Variants in PRORP observed in about 807,000 individuals in gnomAD.
The protein encoded by PRORP is protein only RNase P catalytic subunit.
PRORP carries 51 observed loss-of-function variants against 59.4 expected under a neutral mutation model. The ratio of observed to expected loss-of-function variants is 0.86; its 90% CI spans 0.69 to 1.08. The LOEUF is 1.08. PRORP is among the 50% of genes least tolerant of loss of function. The pLI, the probability that PRORP is intolerant of heterozygous loss-of-function variation, is 0.00. For missense variants in PRORP, 646 were observed against 690.3 expected, an observed-to-expected ratio of 0.94 and a Z score of 0.72; for synonymous variants, 231 against 245.6, an observed-to-expected ratio of 0.94 and a Z score of 0.55.
chr14:35,220,328 A>G (rs1296284992), intron 5 of PRORP, among the ~76,000 whole-genome samples: 4 of 152,178 alleles, frequency 2.6e-5, no homozygotes, highest in Non-Finnish European at 5.9e-5. Flanking sequence ...AAAATTATTC[A>G]TTCTATTGAG....
chr14:35,223,760 A>G (rs887552746), intron 5 of PRORP, among the ~76,000 whole-genome samples: 10 of 152,136 alleles, frequency 6.6e-5, no homozygotes, highest in African/African-American at 2.4e-4. Flanking sequence ...CACCTGGCCT[A>G]GACTTTAACT....
chr14:35,129,514 G>T (rs1402133573), intron 4 of PRORP, among the ~76,000 whole-genome samples: 1 of 147,416 alleles, frequency 6.8e-6, no homozygotes, highest in Non-Finnish European at 1.5e-5. Context: ...TTGCTCTGTC[G>T]CCCAGGCTAG....
Position 35,154,299 on chromosome 14 carries a change from T to C in PRORP, c.1168-26371T>C, listed in dbSNP as rs543698714. ...AGTTTGGGAGGGAAGGAAGGCAGCATCAAATCGTTGTTGAGGTTTTGATGA... is the reference window on the plus strand; with the variant it reads ...AGTTTGGGAGGGAAGGAAGGCAGCACCAAATCGTTGTTGAGGTTTTGATGA... On this transcript the variant is annotated intron_variant, in intron 4 of 7. Coordinates refer to ENST00000534898, the MANE Select transcript of PRORP (RefSeq NM_014672.4). 6.6e-5 allele frequency among the ~76,000 whole-genome samples: 10 copies of C among 152,340 alleles called. 1 individual carries two copies. Among genetic ancestry groups the C allele is most frequent in the Admixed American group, 3.3e-4 (5 of 15,304 alleles).
chr14:35,207,161 C>G (rs1166925758), intron 5 of PRORP, among the ~76,000 whole-genome samples: 1 of 152,082 alleles, frequency 6.6e-6, no homozygotes, highest in Admixed American at 6.6e-5. Context: ...AGGCCATTTA[C>G]CTGGCGATGC....
chr14:35,266,774 G>C lies in PRORP; in HGVS notation c.1323G>C (p.Leu441=). 6.2e-7 allele frequency: 1 copy of C among 1,614,136 alleles called. No homozygotes were observed. The highest frequency in any genetic ancestry group is 1.1e-5 in the South Asian group (1 of 91,080). ...SQLAKRNLRL[L]VLGRKHMLRR... ...TAGCCAAACGGAATCTGCGACTGCT[G>C]GTCCTAGGCCGGAAGCACATGCTAA... Residue 441 remains leucine (L), a synonymous_variant, in exon 6 of 8, where the codon CTG becomes CTC. Transcript: ENST00000534898.
At chr14:35,235,521 C>A (rs1487857623) in intron 5 of PRORP, 9 of 589,946 alleles carry the variant, frequency 1.5e-5, no homozygotes, top group South Asian at 3.1e-5. Flanking sequence ...ACCAGCTGAG[C>A]CTTCTTGTTC....
intron 5 of PRORP, among the ~76,000 whole-genome samples, chr14:35,211,658 A>G (rs61989545): frequency 0.16 from 24,330 of 152,264 alleles, 2,293 homozygotes; most frequent in Middle Eastern, 0.23. Flanking sequence ...AATAATGCAC[A>G]TACCTAAATT....
At chr14:35,247,815 T>C (rs2050519591) in intron 5 of PRORP, among the ~76,000 whole-genome samples, 1 of 152,116 alleles carries the variant, frequency 6.6e-6, no homozygotes. Context: ...AACACAGATA[T>C]CTTACAGAGA....
rs2051274633 is a variant in PRORP at position 35,274,874 on chromosome 14, A to G, written c.*1308A>G. The G allele has an allele frequency of 6.6e-6, 1 of 152,196 alleles. No individual in the cohort carries two copies. The highest frequency in any genetic ancestry group is 2.1e-4 in the South Asian group (1 of 4,834). 9.4% of individuals were successfully genotyped at this position (152,196 alleles called of 1,614,324 possible). On this transcript the variant is annotated 3_prime_UTR_variant, in exon 8 of 8. Transcript: ENST00000534898. Reference sequence around the variant, plus strand: ...TAATTTAACAAAGTGATTATATTTTAATAGTTACATTTCTGTTTTTTCCAC... The same window carrying G: ...TAATTTAACAAAGTGATTATATTTTGATAGTTACATTTCTGTTTTTTCCAC...
chr14:35,131,088 G>A (rs535831644), intron 4 of PRORP, among the ~76,000 whole-genome samples: 1 of 151,604 alleles, frequency 6.6e-6, no homozygotes, highest in South Asian at 2.1e-4. Context: ...GATTATAGGC[G>A]TGCACCACCA....
intron 5 of PRORP, among the ~76,000 whole-genome samples, chr14:35,237,727 C>T (rs560000641): frequency 2.0e-5 from 3 of 152,254 alleles, no homozygotes; most frequent in Admixed American, 1.3e-4. Flanking sequence ...GGTGCTATCT[C>T]GGCTCACTGC....
At chr14:35,173,817 A>C (rs2048377954) in intron 4 of PRORP, among the ~76,000 whole-genome samples, 1 of 151,890 alleles carries the variant, frequency 6.6e-6, no homozygotes, top group South Asian at 2.1e-4. Context: ...GGTTGATGAG[A>C]CTCAATTGAT....
At chr14:35,138,541 G>T (rs1252657601) in intron 4 of PRORP, among the ~76,000 whole-genome samples, 1 of 144,268 alleles carries the variant, frequency 6.9e-6, no homozygotes, top group African/African-American at 2.4e-5. Flanking sequence ...ATTATTAAAG[G>T]AATAAATTAT....
intron 4 of PRORP, among the ~76,000 whole-genome samples, chr14:35,157,070 C>G (rs1348082166): frequency 1.3e-5 from 2 of 151,912 alleles, no homozygotes; most frequent in African/African-American, 4.8e-5. Flanking sequence ...ATTCTCCTGC[C>G]TCAGCCTACC....
intron 5 of PRORP, among the ~76,000 whole-genome samples, chr14:35,244,717 T>G (rs1451723328): frequency 6.6e-6 from 1 of 152,202 alleles, no homozygotes; most frequent in African/African-American, 2.4e-5. Context: ...AACTAACACC[T>G]TTGTACCCAC....
chr14:35,275,532 CTGTGCTTTCAG>C lies in PRORP; in HGVS notation c.*1969_*1979del, dbSNP rs1390581658. 1 of 152,176 alleles carries C rather than the reference CTGTGCTTTCAG, an allele frequency of 6.6e-6. No homozygotes were observed. The highest frequency in any genetic ancestry group is 1.5e-5 in the Non-Finnish European group (1 of 68,028). 9.4% of individuals were successfully genotyped at this position (152,176 alleles called of 1,614,324 possible). On this transcript the variant is annotated 3_prime_UTR_variant, in exon 8 of 8. Transcript: ENST00000534898. ...TTTCATAAACTACATACTTAGGAAA[CTGTGCTTTCAG>C]TGAGCTAAACTTCTTTTTTTAAGTA...
Position 35,230,104 on chromosome 14 carries a change from G to A in PRORP, c.1276-36623G>A, listed in dbSNP as rs370498474. ...GTATCACTCTGTGGCCCAGGCTGGA[G>A]TGCAGTGGTGCAATCTCTGCTCACT... On this transcript the variant is annotated intron_variant, in intron 5 of 7. Transcript: ENST00000534898. Among the ~76,000 whole-genome samples, 17 of 144,888 alleles carry A rather than the reference G, an allele frequency of 1.2e-4. No individual in the cohort carries two copies. The East Asian group carries it at 2.6e-3, about 23-fold the overall frequency.
chr14:35,168,850 C>A (rs535807702), intron 4 of PRORP, among the ~76,000 whole-genome samples: 2 of 152,044 alleles, frequency 1.3e-5, no homozygotes, highest in East Asian at 3.9e-4. Context: ...CTGTTTTCTT[C>A]TAGAATTTTC....
chr14:35,273,743 G>A lies in PRORP; in HGVS notation c.*177G>A, dbSNP rs1041293283. On this transcript the variant is annotated 3_prime_UTR_variant, in exon 8 of 8. Coordinates refer to ENST00000534898, the MANE Select transcript of PRORP (RefSeq NM_014672.4). ...GATATATCTTTTCATAACCAGCTGC[G>A]TTTTTTTCCCCTAACATTTGTTTTT... The A allele has an allele frequency of 3.6e-5, 18 of 495,370 alleles. No homozygotes were observed. The highest frequency in any genetic ancestry group is 8.0e-5 in the African/African-American group (4 of 49,946). The allele number at this position is 495,370 out of a possible 1,614,324, so 30.7% of individuals were successfully genotyped here.
Sources: allele counts gnomAD v4.1 joint callset (sites outside exome capture counted in the v4.1 genomes callset), GRCh38; gene constraint gnomAD v4.1.1; transcripts MANE v1.5; gene names NCBI Gene and HGNC (gene_info 2026-07-23, HGNC 2026-07-21).